SLC39A10: variants seen among roughly 807,000 people sequenced by gnomAD.
The protein encoded by SLC39A10 is solute carrier family 39 member 10, also known as zinc transporter ZIP10.
In SLC39A10, 13 loss-of-function variants were observed where a neutral mutation model predicts 65.1. The observed-to-expected ratio is 0.20, with a 90% CI of 0.13 to 0.32. The LOEUF (loss-of-function observed/expected upper bound fraction) is 0.32, where lower values mean the gene tolerates loss of function less well. Among genes scored for constraint, SLC39A10 ranks in the 10% least tolerant of loss-of-function variants. SLC39A10 has a pLI of 1.00. For synonymous variants in SLC39A10, 321 were observed against 342.2 expected (o/e 0.94, Z 0.68); for missense variants, 831 against 1,018.4 (o/e 0.82, Z 2.50).
intron 1 of SLC39A10, among the ~76,000 whole-genome samples, chr2:195,679,050 A>G (rs1690203950): frequency 6.6e-6 from 1 of 152,194 alleles, no homozygotes; most frequent in South Asian, 2.1e-4. Context: ...CATTTGCTAC[A>G]TGTGGCTGTT....
At chr2:195,724,462 CA>C (rs1325307738) in intron 8 of SLC39A10, among the ~76,000 whole-genome samples, 11 of 152,134 alleles carry the variant, frequency 7.2e-5, no homozygotes, top group Admixed American at 7.2e-4. Context: ...GATAAGACTA[CA>C]ACCAAGATAG....
intron 5 of SLC39A10, among the ~76,000 whole-genome samples, chr2:195,711,936 T>G (rs1691613995): frequency 6.6e-6 from 1 of 152,230 alleles, no homozygotes; most frequent in African/African-American, 2.4e-5. Context: ...ATCATTATTT[T>G]CCTGTGAATG....
At chr2:195,644,362 G>C (rs1688867934) in intron 2 of SLC39A10, among the ~76,000 whole-genome samples, 2 of 122,736 alleles carry the variant, frequency 1.6e-5, no homozygotes, top group African/African-American at 6.3e-5. Flanking sequence ...TTTTTTTTGA[G>C]ACGGAGTCTC....
rs575167215 is a variant in SLC39A10 at position 195,684,702 on chromosome 2, C to T, written c.1216+796C>T. 4.6e-5 allele frequency among the ~76,000 whole-genome samples: 7 copies of T among 152,036 alleles called. No individual in the cohort carries two copies. In the East Asian group the frequency reaches 1.2e-3, roughly 25 times the overall value. ...TCTCTTCAGTATCTTCTAACTTCAT[C>T]CACTCTGTCATAACAATTCTGGATT... is the stretch of plus-strand genomic sequence containing the variant. On this transcript the variant is annotated intron_variant, in intron 3 of 9. Transcript: ENST00000359634.
intron 3 of SLC39A10, among the ~76,000 whole-genome samples, chr2:195,701,925 C>T (rs1275931586): frequency 2.0e-5 from 3 of 152,084 alleles, no homozygotes; most frequent in Admixed American, 6.5e-5. Context: ...CAGGTAATCT[C>T]CCATCACAGC....
intron 2 of SLC39A10, among the ~76,000 whole-genome samples, chr2:195,641,999 A>G (rs1688820064): frequency 6.6e-6 from 1 of 152,162 alleles, no homozygotes; most frequent in Non-Finnish European, 1.5e-5. Flanking sequence ...GCCTGATAGT[A>G]TAGTTCTAGT....
Position 195,736,160 on chromosome 2 carries a change from G to A in SLC39A10, c.*1119G>A, listed in dbSNP as rs1285395227. On this transcript the variant is annotated 3_prime_UTR_variant, in exon 10 of 10. Transcript: ENST00000359634. ...GGCTGTCATGGTACCCAAGTGACTTGGAAGATGCATTTAAATTACTCAGCT... is the reference window on the plus strand; with the variant it reads ...GGCTGTCATGGTACCCAAGTGACTTAGAAGATGCATTTAAATTACTCAGCT... 1 of 152,616 alleles carries A rather than the reference G, an allele frequency of 6.6e-6. No homozygotes were observed. The highest frequency in any genetic ancestry group is 1.9e-4 in the East Asian group (1 of 5,200). 9.5% of individuals were successfully genotyped at this position (152,616 alleles called of 1,614,324 possible). A position where few individuals can be genotyped will look rare whatever the true frequency, so the allele number is the denominator to read the frequency against.
At chr2:195,673,581 A>G (rs1303896695) in intron 1 of SLC39A10, among the ~76,000 whole-genome samples, 1 of 152,194 alleles carries the variant, frequency 6.6e-6, no homozygotes, top group Non-Finnish European at 1.5e-5. Flanking sequence ...GCTAATTTAT[A>G]TGTGTAAATA....
chr2:195,724,804 T>A (rs555312671), intron 8 of SLC39A10, among the ~76,000 whole-genome samples: 29 of 152,248 alleles, frequency 1.9e-4, no homozygotes, highest in African/African-American at 4.3e-4. Context: ...ACAGCTTTTT[T>A]AAAAATTTTA....
At chr2:195,626,111 C>A (rs867681947) in intron 2 of SLC39A10, among the ~76,000 whole-genome samples, 1 of 152,228 alleles carries the variant, frequency 6.6e-6, no homozygotes, top group South Asian at 2.1e-4. Context: ...CAAAGAGAAG[C>A]TCTTAATTTA....
chr2:195,637,906 G>T (rs1688724864), intron 2 of SLC39A10, among the ~76,000 whole-genome samples: 1 of 152,104 alleles, frequency 6.6e-6, no homozygotes, highest in Non-Finnish European at 1.5e-5. Flanking sequence ...GAAGTGATAA[G>T]ACAAGTTAGT....
intron 2 of SLC39A10, among the ~76,000 whole-genome samples, chr2:195,633,404 G>A (rs923269306): frequency 6.6e-6 from 1 of 152,232 alleles, no homozygotes; most frequent in African/African-American, 2.4e-5. Context: ...AGGGAATACC[G>A]ATGACCCCTG....
At chr2:195,641,178 G>T (rs566716909) in intron 2 of SLC39A10, among the ~76,000 whole-genome samples, 1 of 152,196 alleles carries the variant, frequency 6.6e-6, no homozygotes, top group South Asian at 2.1e-4. Flanking sequence ...ATGTGTAAGT[G>T]TATAGGAGGA....
chr2:195,678,815 T>TA (rs1245229230), intron 1 of SLC39A10, among the ~76,000 whole-genome samples: 2 of 152,144 alleles, frequency 1.3e-5, no homozygotes, highest in African/African-American at 4.8e-5. Context: ...AAAAAGAATG[T>TA]AAAATATTTT....
chr2:195,714,765 T>C (rs563443728), intron 6 of SLC39A10, among the ~76,000 whole-genome samples: 1 of 152,338 alleles, frequency 6.6e-6, no homozygotes, highest in South Asian at 2.1e-4. Context: ...TACAAACCTT[T>C]TTTTTGAGAC....
intron 2 of SLC39A10, among the ~76,000 whole-genome samples, chr2:195,644,591 C>T (rs971909191): frequency 6.6e-6 from 1 of 151,792 alleles, no homozygotes; most frequent in East Asian, 2.0e-4. Context: ...CCGCCCGCTT[C>T]GGCCTCCCAA....
At chr2:195,635,655 A>C (rs1039089250) in intron 2 of SLC39A10, among the ~76,000 whole-genome samples, 2 of 150,822 alleles carry the variant, frequency 1.3e-5, no homozygotes, top group Non-Finnish European at 1.5e-5. Context: ...AGTATCCCTT[A>C]AGTAATTGAA....
In SLC39A10 at chr2:195,681,035, T is replaced by C; in HGVS notation, c.993T>C (p.Asp331=). The change falls in exon 2 of 10, where the codon GAT becomes GAC. Residue 331 remains aspartate (D), a synonymous_variant. Transcript: ENST00000359634. The part of the protein sequence containing the change: ...IISLRKDLNE[D]DHHHECLNVT... Reference sequence around the variant, plus strand: ...CTTTGAGAAAAGATCTAAATGAAGATGACCATCATCATGAAGTAAGTATAA... The same window carrying C: ...CTTTGAGAAAAGATCTAAATGAAGACGACCATCATCATGAAGTAAGTATAA... The C allele has an allele frequency of 6.2e-7, 1 of 1,607,786 alleles. No individual in the cohort carries two copies. Among genetic ancestry groups the C allele is most frequent in the Non-Finnish European group, 8.5e-7 (1 of 1,175,930 alleles).
chr2:195,680,497 A>T lies in SLC39A10; in HGVS notation c.455A>T (p.Lys152Ile). The part of the protein sequence containing the change: ...VTSVSTKRNH[K>I]CDPEKETVEV... Reference sequence around the variant, plus strand: ...AGTGTATCCACAAAAAGAAACCATAAATGTGATCCAGAGAAAGAGACAGTT... The same window carrying T: ...AGTGTATCCACAAAAAGAAACCATATATGTGATCCAGAGAAAGAGACAGTT... The change falls in exon 2 of 10, where the codon AAA becomes ATA. Residue 152 changes from lysine to isoleucine, a missense_variant. By Grantham distance (102) the Lys-to-Ile change is moderately radical. Transcript: ENST00000359634. 1 of 1,614,182 alleles carries T rather than the reference A, an allele frequency of 6.2e-7. No individual in the cohort carries two copies. Among genetic ancestry groups the T allele is most frequent in the Non-Finnish European group, 8.5e-7 (1 of 1,180,032 alleles).
Sources: gnomAD v4.1 joint callset for allele counts (sites outside exome capture counted in the v4.1 genomes callset) on GRCh38, gnomAD v4.1.1 for gene constraint, MANE v1.5 for transcripts, NCBI Gene and HGNC (gene_info 2026-07-23, HGNC 2026-07-21) for gene names.